PBLD: variants seen among roughly 807,000 people sequenced by gnomAD.
PBLD encodes the protein phenazine biosynthesis like protein domain containing.
In PBLD, 26 loss-of-function variants were observed where a neutral mutation model predicts 31.3. The observed-to-expected ratio is 0.83, with a 90% CI of 0.61 to 1.15. The LOEUF is 1.15. Ranked by LOEUF, PBLD falls within the 50% of genes most tolerant of loss-of-function variation. The pLI is 0.00. For missense variants in PBLD, 307 were observed against 351.7 expected (o/e 0.87, Z 1.02); for synonymous variants, 114 against 129.0 (o/e 0.88, Z 0.79).
At chr10:68,322,355 G>T (rs549240555) in intron 1 of PBLD, among the ~76,000 whole-genome samples, 16 of 152,116 alleles carry the variant, frequency 1.1e-4, no homozygotes, top group Non-Finnish European at 2.4e-4. Flanking sequence ...AAAATTTGGA[G>T]TTTAATTAAT....
chr10:68,296,862 TA>T (rs60698417), intron 3 of PBLD, 23 bp downstream of exon 3: 42,792 of 1,033,942 alleles, frequency 0.041, no homozygotes, highest in South Asian at 0.052. Flanking sequence ...GAACAGTTCT[TA>T]AAAAAAAAAA....
rs1047146305 is a variant in PBLD at position 68,283,954 on chromosome 10, C to G, written c.*223G>C. 7.9e-6 allele frequency: 3 copies of G among 380,018 alleles called. No homozygotes were observed. Among genetic ancestry groups the G allele is most frequent in the African/African-American group, 4.1e-5 (2 of 48,416 alleles). The allele number at this position is 380,018 out of a possible 1,614,324, so 23.5% of individuals were successfully genotyped here. A position where few individuals can be genotyped will look rare whatever the true frequency, so the allele number is the denominator to read the frequency against. ...TAGAGACGAGGTTTCACCATGTTGG[C>G]CAGGCTGGTGTCGAACCCCTGACCT... On this transcript the variant is annotated 3_prime_UTR_variant, in exon 10 of 10. Coordinates refer to ENST00000358769, the MANE Select transcript of PBLD (RefSeq NM_022129.4).
chr10:68,324,519 T>C (rs1481328336), intron 1 of PBLD, among the ~76,000 whole-genome samples: 2 of 152,140 alleles, frequency 1.3e-5, no homozygotes, highest in Non-Finnish European at 2.9e-5. Context: ...CCTAATACCA[T>C]TGCTCTAGTT....
intron 1 of PBLD, chr10:68,331,888 C>G (rs959992274): frequency 6.6e-6 from 1 of 152,386 alleles, no homozygotes; most frequent in Non-Finnish European, 1.5e-5. Context: ...GGAACAGCCT[C>G]TGCTCGGTCT....
chr10:68,306,940 C>T (rs1166987837), intron 1 of PBLD, 37 bp from the exon 2 acceptor site: 1 of 922,908 alleles, frequency 1.1e-6, no homozygotes, highest in Non-Finnish European at 1.7e-6. Context: ...TAATGTTTTA[C>T]TTGGTGTCCA....
chr10:68,293,380 T>C (rs1028888086), intron 4 of PBLD, among the ~76,000 whole-genome samples: 1 of 152,364 alleles, frequency 6.6e-6, no homozygotes, highest in Admixed American at 6.5e-5. Context: ...ATGTTACTGA[T>C]ACAACTTGGG....
intron 2 of PBLD, among the ~76,000 whole-genome samples, chr10:68,298,344 C>T (rs1365097850): frequency 1.3e-5 from 2 of 151,872 alleles, no homozygotes; most frequent in African/African-American, 4.8e-5. Flanking sequence ...GCCTATAATC[C>T]CAGCACTTTG....
intron 9 of PBLD, chr10:68,285,022 A>G (rs1469737264): frequency 8.5e-7 from 1 of 1,175,228 alleles, no homozygotes; most frequent in Non-Finnish European, 1.1e-6. Flanking sequence ...CAATAGCAGT[A>G]AGGAACCTTG....
intron 1 of PBLD, among the ~76,000 whole-genome samples, chr10:68,318,055 G>A (rs12248327): frequency 0.42 from 63,151 of 151,576 alleles, 13,821 homozygotes; most frequent in East Asian, 0.52. Context: ...GGGAAACCCC[G>A]TCTCTACTGA....
chr10:68,314,837 T>C (rs1444918844), intron 1 of PBLD, among the ~76,000 whole-genome samples: 1 of 152,148 alleles, frequency 6.6e-6, no homozygotes, highest in Non-Finnish European at 1.5e-5. Context: ...TTGCCCAGGA[T>C]GGAGTGCAAT....
chr10:68,288,901 C>A (rs759544455), intron 7 of PBLD, 30 bp downstream of exon 7: 32 of 1,593,234 alleles, frequency 2.0e-5, no homozygotes, highest in Non-Finnish European at 2.6e-5. Context: ...TCAGCCCTCC[C>A]CAAAGTGCTG....
At chr10:68,308,700 C>T (rs1377446469) in intron 1 of PBLD, among the ~76,000 whole-genome samples, 3 of 150,146 alleles carry the variant, frequency 2.0e-5, no homozygotes, top group Non-Finnish European at 4.4e-5. Context: ...AGGCACGTGC[C>T]ACCACACCTG....
chr10:68,305,073 T>C (rs990170355), intron 2 of PBLD, among the ~76,000 whole-genome samples: 1 of 152,144 alleles, frequency 6.6e-6, no homozygotes, highest in African/African-American at 2.4e-5. Context: ...CAATTAATAA[T>C]ATTCCACCAG....
At position 68,327,673 on chromosome 10, in the gene PBLD, C is replaced by CAAA. The variant is rs35759039; in HGVS notation, c.-60+5108_-60+5110dup. On this transcript the variant is annotated intron_variant, in intron 1 of 9. Transcript: ENST00000358769. The stretch of plus-strand genomic sequence containing the variant: ...TGGGCGACAAAGCAAGACTCCACCT[C>CAAA]AAAAAAAAAAAAAAAAAAAAAAATC... Among the ~76,000 whole-genome samples the CAAA allele has an allele frequency of 1.9e-3, 132 of 68,446 alleles. 3 individuals are homozygous for CAAA. The highest frequency in any genetic ancestry group is 4.6e-3 in the African/African-American group (78 of 16,784). 44.9% of individuals were successfully genotyped at this position (68,446 alleles called of 152,430 possible).
At chr10:68,315,150 G>C (rs2044720898) in intron 1 of PBLD, among the ~76,000 whole-genome samples, 1 of 152,206 alleles carries the variant, frequency 6.6e-6, no homozygotes, top group East Asian at 1.9e-4. Context: ...TTTCCTCAAG[G>C]GTTGTTTGTC....
intron 4 of PBLD, among the ~76,000 whole-genome samples, chr10:68,295,596 A>G (rs969874248): frequency 1.3e-5 from 2 of 152,256 alleles, no homozygotes; most frequent in East Asian, 1.9e-4. Context: ...TTGATCTCCA[A>G]TCTCATATCG....
intron 1 of PBLD, among the ~76,000 whole-genome samples, chr10:68,314,084 C>G (rs2044704313): frequency 6.6e-6 from 1 of 152,062 alleles, no homozygotes; most frequent in African/African-American, 2.4e-5. Flanking sequence ...TCAAGTGATT[C>G]TCCTGCCTCA....
chr10:68,304,213 C>T (rs7067601), intron 2 of PBLD, among the ~76,000 whole-genome samples: 119,839 of 152,152 alleles, frequency 0.79, 47,823 homozygotes, highest in Non-Finnish European at 0.86. Flanking sequence ...TTATTGATTA[C>T]GAATTAGGAA....
intron 2 of PBLD, among the ~76,000 whole-genome samples, chr10:68,299,896 CT>C (rs1375109623): frequency 4.7e-5 from 7 of 150,296 alleles, no homozygotes; most frequent in South Asian, 4.3e-4. Flanking sequence ...ACATAATAAG[CT>C]TTTTTTTTTT....
Sources: allele counts gnomAD v4.1 joint callset (sites outside exome capture counted in the v4.1 genomes callset), GRCh38; gene constraint gnomAD v4.1.1; transcripts MANE v1.5; gene names NCBI Gene and HGNC (gene_info 2026-07-23, HGNC 2026-07-21).